The following PSD3 variants were observed in gnomAD, a reference collection of about 807,000 sequenced individuals.
The protein encoded by PSD3 is PH and SEC7 domain-containing protein 3.
In PSD3, 49 loss-of-function variants were observed where a neutral mutation model predicts 105.5. The ratio of observed to expected loss-of-function variants is 0.46; its 90% CI spans 0.37 to 0.59. The LOEUF (loss-of-function observed/expected upper bound fraction) is 0.59, where lower values mean the gene tolerates loss of function less well. Among genes scored for constraint, PSD3 ranks in the 20% least tolerant of loss-of-function variants. The pLI is 0.00. For missense variants in PSD3, 1,561 were observed against 1,263.8 expected, an observed-to-expected ratio of 1.24 and a Z score of -3.57; for synonymous variants, 557 against 457.8, an observed-to-expected ratio of 1.22 and a Z score of -2.77.
chr8:18,718,531 T>C (rs941870347), intron 9 of PSD3, among the ~76,000 whole-genome samples: 2 of 152,232 alleles, frequency 1.3e-5, no homozygotes, highest in Non-Finnish European at 1.5e-5. Context: ...GGAATACTGA[T>C]GCATTTTTAA....
intron 11 of PSD3, among the ~76,000 whole-genome samples, chr8:18,614,583 G>A (rs1009533504): frequency 1.3e-5 from 2 of 152,106 alleles, no homozygotes; most frequent in African/African-American, 4.8e-5. Context: ...ATACATTACT[G>A]TGGGTTTTCA....
chr8:18,739,002 T>C (rs912861133), intron 9 of PSD3, among the ~76,000 whole-genome samples: 36 of 152,336 alleles, frequency 2.4e-4, no homozygotes, highest in African/African-American at 8.7e-4. Context: ...CTCTTAGGTA[T>C]CACAGATTGT....
At chr8:19,066,635 T>TTATC (rs1829083910) in intron 1 of PSD3, among the ~76,000 whole-genome samples, 1 of 152,236 alleles carries the variant, frequency 6.6e-6, no homozygotes. Context: ...TATTCAGAGG[T>TTATC]TATCTCCAAC....
intron 9 of PSD3, among the ~76,000 whole-genome samples, chr8:18,670,862 C>T (rs1450655226): frequency 2.0e-5 from 3 of 152,044 alleles, no homozygotes; most frequent in Non-Finnish European, 4.4e-5. Context: ...CACAGCAACT[C>T]GGGGAGCAGG....
intron 1 of PSD3, among the ~76,000 whole-genome samples, chr8:19,031,753 G>A (rs76703826): frequency 0.023 from 3,474 of 152,192 alleles, 132 homozygotes; most frequent in African/African-American, 0.078. Context: ...GTTTATGTAT[G>A]TTAACTAAAT....
intron 9 of PSD3, among the ~76,000 whole-genome samples, chr8:18,720,062 C>T (rs1365493830): frequency 1.3e-5 from 2 of 152,138 alleles, no homozygotes; most frequent in Admixed American, 6.5e-5. Flanking sequence ...GCAGTTATGA[C>T]TGCCCCATTC....
chr8:18,758,869 C>T (rs1027639069), intron 9 of PSD3, among the ~76,000 whole-genome samples: 1 of 152,214 alleles, frequency 6.6e-6, no homozygotes, highest in South Asian at 2.1e-4. Flanking sequence ...TTGGAACTGT[C>T]TCCTAAGAGA....
chr8:18,661,550 T>A (rs1264724488), intron 9 of PSD3, among the ~76,000 whole-genome samples: 1 of 152,210 alleles, frequency 6.6e-6, no homozygotes, highest in Non-Finnish European at 1.5e-5. Context: ...CTTAAAATAA[T>A]ATTGAAAAAC....
At chr8:18,996,261 G>A (rs1339787310) in intron 1 of PSD3, among the ~76,000 whole-genome samples, 1 of 151,848 alleles carries the variant, frequency 6.6e-6, no homozygotes, top group East Asian at 1.9e-4. Context: ...TGGACGGTGG[G>A]GAATCTGTGC....
chr8:18,677,304 G>T (rs1368315325), intron 9 of PSD3, among the ~76,000 whole-genome samples: 1 of 152,124 alleles, frequency 6.6e-6, no homozygotes, highest in Admixed American at 6.5e-5. Flanking sequence ...CCAGGTCAGC[G>T]CAGTGGCTCA....
At chr8:18,827,101 A>G (rs1483065717) in intron 4 of PSD3, among the ~76,000 whole-genome samples, 1 of 152,218 alleles carries the variant, frequency 6.6e-6, no homozygotes, top group Non-Finnish European at 1.5e-5. Flanking sequence ...GCATGCATCC[A>G]CACCTCCTGC....
At chr8:18,933,395 A>C (rs1248998795) in intron 2 of PSD3, among the ~76,000 whole-genome samples, 1 of 152,164 alleles carries the variant, frequency 6.6e-6, no homozygotes, top group Non-Finnish European at 1.5e-5. Flanking sequence ...CCAAAAAAAA[A>C]AAGCTTAATT....
intron 8 of PSD3, 123 bp downstream of exon 8, chr8:18,799,172 C>T: frequency 3.7e-6 from 3 of 821,574 alleles, no homozygotes; most frequent in Non-Finnish European, 6.1e-6. Flanking sequence ...TCTTTTTATT[C>T]ACCTGCCATG....
intron 1 of PSD3, among the ~76,000 whole-genome samples, chr8:19,062,496 A>T (rs1424063573): frequency 6.6e-6 from 1 of 151,844 alleles, no homozygotes; most frequent in Non-Finnish European, 1.5e-5. Flanking sequence ...TTCCCCAGTT[A>T]ACTCCACGAC....
At chr8:18,969,991 G>C (rs1057279849) in intron 1 of PSD3, among the ~76,000 whole-genome samples, 5 of 152,014 alleles carry the variant, frequency 3.3e-5, no homozygotes, top group Non-Finnish European at 7.4e-5. Flanking sequence ...ACACTATCTA[G>C]TTTTTTGAAG....
intron 12 of PSD3, among the ~76,000 whole-genome samples, chr8:18,596,871 T>G (rs1043860777): frequency 6.6e-6 from 1 of 152,140 alleles, no homozygotes; most frequent in Non-Finnish European, 1.5e-5. Flanking sequence ...GCAGATGGCT[T>G]CACCAGTGAA....
intron 14 of PSD3, among the ~76,000 whole-genome samples, chr8:18,565,306 C>G (rs1267137045): frequency 6.6e-6 from 1 of 152,148 alleles, no homozygotes; most frequent in East Asian, 1.9e-4. Flanking sequence ...GTTTGGAGAG[C>G]TACACCAGAA....
intron 4 of PSD3, among the ~76,000 whole-genome samples, chr8:18,823,896 G>A (rs995653063): frequency 6.6e-6 from 1 of 152,142 alleles, no homozygotes; most frequent in East Asian, 1.9e-4. Flanking sequence ...GAGAAAAAGT[G>A]AGGTCAGGCA....
intron 4 of PSD3, among the ~76,000 whole-genome samples, chr8:18,819,371 G>T (rs769229648): frequency 6.6e-6 from 1 of 152,088 alleles, no homozygotes; most frequent in Admixed American, 6.5e-5. Flanking sequence ...GAGCCTTCAT[G>T]AAGGGAGGGG....
Sources: gnomAD v4.1 joint callset for allele counts (sites outside exome capture counted in the v4.1 genomes callset) on GRCh38, gnomAD v4.1.1 for gene constraint, MANE v1.5 for transcripts, NCBI Gene and HGNC (gene_info 2026-07-23, HGNC 2026-07-21) for gene names.